Variants in ZBTB7C observed in about 807,000 individuals in gnomAD.
ZBTB7C encodes zinc finger and BTB domain containing 7C.
A neutral mutation model predicts 25.7 loss-of-function variants in ZBTB7C; 8 were observed. That is an observed-to-expected ratio of 0.31 (90% CI 0.18 to 0.56). The LOEUF (loss-of-function observed/expected upper bound fraction) is 0.56. Among genes scored for constraint, ZBTB7C ranks in the 20% least tolerant of loss-of-function variants. The probability of loss-of-function intolerance (pLI) is 0.91; values close to 1 mark genes in which losing one functional copy is unlikely to be tolerated. For synonymous variants in ZBTB7C, 394 were observed against 369.0 expected, an observed-to-expected ratio of 1.07 and a Z score of -0.78; for missense variants, 824 against 855.2, an observed-to-expected ratio of 0.96 and a Z score of 0.46.
At chr18:48,308,163 C>T (rs1329478815) in intron 2 of ZBTB7C, among the ~76,000 whole-genome samples, 1 of 151,942 alleles carries the variant, frequency 6.6e-6, no homozygotes, top group Non-Finnish European at 1.5e-5. Flanking sequence ...CACCACACAC[C>T]CACACACACA....
intron 3 of ZBTB7C, among the ~76,000 whole-genome samples, chr18:48,082,160 T>A (rs1451655246): frequency 2.0e-5 from 3 of 152,132 alleles, no homozygotes; most frequent in African/African-American, 4.8e-5. Flanking sequence ...ACAGTCCCCA[T>A]AAAGCATTTG....
intron 3 of ZBTB7C, among the ~76,000 whole-genome samples, chr18:48,138,134 A>G (rs1227815633): frequency 6.6e-6 from 1 of 152,236 alleles, no homozygotes; most frequent in African/African-American, 2.4e-5. Context: ...CAAGAGTCCA[A>G]CGAGGTGCTT....
intron 3 of ZBTB7C, among the ~76,000 whole-genome samples, chr18:48,066,174 G>T (rs557796703): frequency 2.6e-5 from 4 of 152,294 alleles, no homozygotes; most frequent in African/African-American, 9.6e-5. Context: ...CATCCCTGGG[G>T]ACTGGGCTAG....
chr18:48,103,224 G>A (rs2038913108), intron 3 of ZBTB7C, among the ~76,000 whole-genome samples: 1 of 151,246 alleles, frequency 6.6e-6, no homozygotes, highest in Non-Finnish European at 1.5e-5. Flanking sequence ...GGTCAGAAAA[G>A]CACATTCCCA....
intron 3 of ZBTB7C, among the ~76,000 whole-genome samples, chr18:48,046,030 G>A (rs1481628969): frequency 6.6e-6 from 1 of 152,242 alleles, no homozygotes; most frequent in Non-Finnish European, 1.5e-5. Context: ...CCCGACGACA[G>A]CAGCCCTGGC....
In ZBTB7C at chr18:48,310,053, C is replaced by A. The variant is rs1443992997; in HGVS notation, c.-79+28121G>T. On this transcript the variant is annotated intron_variant, in intron 2 of 4. Coordinates refer to ENST00000590800, the MANE Select transcript of ZBTB7C (RefSeq NM_001318841.2). ...GACCATCCTGGCTAACACAGTGAAA[C>A]CCCATCTCTACTAGAAATACAAAAA... Among the ~76,000 whole-genome samples, 3 of 152,156 alleles carry A rather than the reference C, an allele frequency of 2.0e-5. No individual in the cohort carries two copies. The East Asian group carries it at 5.8e-4, about 30-fold the overall frequency.
At chr18:48,388,396 C>T (rs1332764405) in intron 1 of ZBTB7C, among the ~76,000 whole-genome samples, 1 of 152,046 alleles carries the variant, frequency 6.6e-6, no homozygotes, top group African/African-American at 2.4e-5. Flanking sequence ...GGAATTATGT[C>T]CTATGTTTCC....
chr18:48,069,919 G>A (rs948009261), intron 3 of ZBTB7C, among the ~76,000 whole-genome samples: 25 of 152,170 alleles, frequency 1.6e-4, no homozygotes, highest in Admixed American at 1.6e-3. Context: ...TGGAGCGGGA[G>A]GAGAGGGAAG....
At position 48,189,690 on chromosome 18, in the gene ZBTB7C, C is replaced by G. The variant is rs945217914; in HGVS notation, c.-78-3695G>C. On this transcript the variant is annotated intron_variant, in intron 2 of 4. Transcript: ENST00000590800. ...TAAGTTCACACCTCTGCAGCCAGAA[C>G]AAGGTCCTTAATCATTTCAGGTGCC... Among the ~76,000 whole-genome samples the G allele has an allele frequency of 6.6e-5, 10 of 152,324 alleles. 1 individual carries two copies. Among genetic ancestry groups the G allele is most frequent in the Admixed American group, 3.3e-4 (5 of 15,310 alleles).
rs879677000 is a variant in ZBTB7C, at chr18:48,207,622, TAAA to T, written c.-78-21630_-78-21628del. Among the ~76,000 whole-genome samples the T allele has an allele frequency of 4.5e-3, 602 of 132,702 alleles. 2 individuals are homozygous for T. Among genetic ancestry groups the T allele is most frequent in the Non-Finnish European group, 8.2e-3 (459 of 55,918 alleles). The allele number at this position is 132,702 out of a possible 152,430, so 87.1% of individuals were successfully genotyped here. ...CTATCTATCTATCTATCTATCCATC[TAAA>T]ATATATTCTATAGAGACTGGATTTC... is the stretch of plus-strand genomic sequence containing the variant. On this transcript the variant is annotated intron_variant, in intron 2 of 4. Coordinates refer to ENST00000590800, the MANE Select transcript of ZBTB7C (RefSeq NM_001318841.2).
chr18:48,055,210 G>C (rs1191280590), intron 3 of ZBTB7C, among the ~76,000 whole-genome samples: 5 of 151,814 alleles, frequency 3.3e-5, no homozygotes, highest in Middle Eastern at 3.4e-3. Context: ...AGGAGTTCAA[G>C]ACCAGCCTGG....
Position 48,029,893 on chromosome 18 carries a change from G to C in ZBTB7C, c.1227C>G (p.Ile409Met). 1 of 1,611,576 alleles carries C rather than the reference G, an allele frequency of 6.2e-7. No homozygotes were observed. Among genetic ancestry groups the C allele is most frequent in the East Asian group, 2.2e-5 (1 of 44,876 alleles). ...GCTCCCCTGTGTGCTTCCGCATGTGGATTTTCAGCTTGTCCTGCCTGCAAT... is the reference window on the plus strand; with the variant it reads ...GCTCCCCTGTGTGCTTCCGCATGTGCATTTTCAGCTTGTCCTGCCTGCAAT... ...VRFTRQDKLK[I>M]HMRKHTGERP... Residue 409 changes from isoleucine to methionine, a missense_variant, in exon 5 of 5, where the codon ATC becomes ATG. Transcript: ENST00000590800.
At chr18:48,309,269 G>C (rs1260228724) in intron 2 of ZBTB7C, among the ~76,000 whole-genome samples, 1 of 152,220 alleles carries the variant, frequency 6.6e-6, no homozygotes, top group Non-Finnish European at 1.5e-5. Context: ...TATGAAATAG[G>C]AGGGCTGGGT....
chr18:48,034,725 C>T (rs998039648), intron 4 of ZBTB7C, among the ~76,000 whole-genome samples: 1 of 152,218 alleles, frequency 6.6e-6, no homozygotes, highest in African/African-American at 2.4e-5. Context: ...TCCCCTCTGG[C>T]CCTGGTCCCC....
chr18:48,354,387 C>T (rs2046930336), intron 1 of ZBTB7C, among the ~76,000 whole-genome samples: 1 of 152,170 alleles, frequency 6.6e-6, no homozygotes, highest in Non-Finnish European at 1.5e-5. Context: ...AAGGAATTTG[C>T]TCACAATAGT....
intron 2 of ZBTB7C, among the ~76,000 whole-genome samples, chr18:48,227,575 C>T (rs913421776): frequency 2.6e-4 from 39 of 152,278 alleles, no homozygotes; most frequent in African/African-American, 8.9e-4. Context: ...AAAGTGTCAA[C>T]GATTGTTTAC....
At chr18:48,048,650 T>C (rs1309519590) in intron 3 of ZBTB7C, among the ~76,000 whole-genome samples, 6 of 152,150 alleles carry the variant, frequency 3.9e-5, no homozygotes, top group African/African-American at 1.4e-4. Flanking sequence ...CTAGCAATTG[T>C]GAAGTCCAGG....
intron 1 of ZBTB7C, among the ~76,000 whole-genome samples, chr18:48,393,742 A>G (rs929638768): frequency 1.3e-5 from 2 of 152,130 alleles, no homozygotes; most frequent in Non-Finnish European, 1.5e-5. Flanking sequence ...AGGCACCAAG[A>G]TAATCATAAC....
In ZBTB7C at chr18:48,132,831, T is replaced by C. The variant is rs1342727336; in HGVS notation, c.-17+53103A>G. Among the ~76,000 whole-genome samples the C allele has an allele frequency of 2.6e-5, 4 of 152,172 alleles. No individual in the cohort carries two copies. The East Asian group carries it at 7.7e-4, about 29-fold the overall frequency. On this transcript the variant is annotated intron_variant, in intron 3 of 4. Transcript: ENST00000590800. ...AATTTAACAGAATTGTCAGCCAGACTCCACAGCCAAGAAAGCAATAGCCCT... is the reference window on the plus strand; with the variant it reads ...AATTTAACAGAATTGTCAGCCAGACCCCACAGCCAAGAAAGCAATAGCCCT...
Sources: gnomAD v4.1 joint callset for allele counts (sites outside exome capture counted in the v4.1 genomes callset) on GRCh38, gnomAD v4.1.1 for gene constraint, MANE v1.5 for transcripts, NCBI Gene and HGNC (gene_info 2026-07-23, HGNC 2026-07-21) for gene names.